KATNAL2: variants seen among roughly 807,000 people sequenced by gnomAD.
KATNAL2 encodes katanin catalytic subunit A1 like 2, also known as katanin p60 ATPase-containing subunit A-like 2.
KATNAL2 carries 52 observed loss-of-function variants against 76.3 expected under a neutral mutation model. The observed-to-expected ratio is 0.68, with a 90% CI of 0.55 to 0.86. KATNAL2 has a LOEUF of 0.86. KATNAL2 is among the 40% of genes least tolerant of loss of function. The pLI is 0.00. For synonymous variants in KATNAL2, 243 were observed against 244.2 expected, an observed-to-expected ratio of 1.00 and a Z score of 0.05; for missense variants, 660 against 668.9, an observed-to-expected ratio of 0.99 and a Z score of 0.15.
At chr18:47,035,570 C>G (rs1478807572) in intron 3 of KATNAL2, 1 of 580,880 alleles carries the variant, frequency 1.7e-6, no homozygotes, top group East Asian at 3.2e-5. Context: ...AGAGCTGGGC[C>G]TTATGTAGCC....
chr18:47,043,654 G>A (rs1463916751), intron 3 of KATNAL2, among the ~76,000 whole-genome samples: 1 of 152,170 alleles, frequency 6.6e-6, no homozygotes, highest in Non-Finnish European at 1.5e-5. Flanking sequence ...AGTAGAACGG[G>A]AGGATAGAGG....
chr18:46,961,974 G>C (rs1227286347), intron 3 of KATNAL2, among the ~76,000 whole-genome samples: 1 of 152,216 alleles, frequency 6.6e-6, no homozygotes, highest in Non-Finnish European at 1.5e-5. Context: ...TGCGGAAAGA[G>C]CTACAGTTAT....
chr18:46,960,927 C>A (rs540521265), intron 3 of KATNAL2, among the ~76,000 whole-genome samples: 2 of 152,154 alleles, frequency 1.3e-5, no homozygotes, highest in Non-Finnish European at 2.9e-5. Context: ...AGCAGACTTG[C>A]GTCTTAAGAA....
chr18:46,928,649 C>T (rs1268638799), intron 1 of KATNAL2, among the ~76,000 whole-genome samples: 3 of 152,198 alleles, frequency 2.0e-5, no homozygotes, highest in African/African-American at 7.2e-5. Flanking sequence ...TTCTGCATCA[C>T]TCACGCTGGG....
chr18:47,048,607 G>C (rs1407465465), intron 4 of KATNAL2, among the ~76,000 whole-genome samples: 2 of 152,136 alleles, frequency 1.3e-5, no homozygotes, highest in Non-Finnish European at 2.9e-5. Context: ...CTGTGCCTCT[G>C]TTTCTCCATC....
chr18:47,069,529 A>G lies in KATNAL2; in HGVS notation c.937A>G (p.Thr313Ala). The change falls in exon 13 of 18, where the codon ACA becomes GCA. Residue 313 changes from threonine (T) to alanine (A), a missense_variant. Transcript: ENST00000683218. ...CAAAGCTGTGGCCACTGAATGTAAA[A>G]CAACCTTCTTTAACATTTCTGCATC... Reference protein sequence around the residue: ...LAKAVATECKTTFFNISASTI... With the variant: ...LAKAVATECKATFFNISASTI... The G allele has an allele frequency of 6.2e-7, 1 of 1,614,092 alleles. No homozygotes were observed. Among genetic ancestry groups the G allele is most frequent in the South Asian group, 1.1e-5 (1 of 91,048 alleles).
In KATNAL2 at chr18:46,961,873, G is replaced by A. The variant is rs142832071; in HGVS notation, c.51+14950G>A. ...TCAGTGATTATTTTTAGGAGGGCCT[G>A]CAACCGTATGATATGATTGAGAATG... On this transcript the variant is annotated intron_variant, in intron 3 of 17. Transcript: ENST00000683218. Among the ~76,000 whole-genome samples the A allele has an allele frequency of 8.6e-3, 1,315 of 152,300 alleles. 10 individuals carry two copies. The highest frequency in any genetic ancestry group is 0.01 in the Non-Finnish European group (689 of 68,026).
At chr18:47,034,266 C>T (rs758409967) in intron 3 of KATNAL2, 70 of 1,613,876 alleles carry the variant, frequency 4.3e-5, no homozygotes, top group Non-Finnish European at 5.8e-5. Flanking sequence ...TCTCCTCGGG[C>T]GACAGGCCGT....
intron 3 of KATNAL2, among the ~76,000 whole-genome samples, chr18:47,040,353 G>A (rs2060921875): frequency 6.6e-6 from 1 of 152,200 alleles, no homozygotes; most frequent in Non-Finnish European, 1.5e-5. Flanking sequence ...GTTGTGCAGG[G>A]TATGGATTTT....
chr18:47,031,369 G>A (rs1331951487), intron 3 of KATNAL2, among the ~76,000 whole-genome samples: 2 of 151,576 alleles, frequency 1.3e-5, no homozygotes, highest in African/African-American at 2.4e-5. Flanking sequence ...GTCGTTGGCA[G>A]TTTCGCGTAA....
At chr18:47,084,970 T>C (rs2062709179) in intron 15 of KATNAL2, among the ~76,000 whole-genome samples, 1 of 150,464 alleles carries the variant, frequency 6.6e-6, no homozygotes, top group South Asian at 2.1e-4. Context: ...TTCAGATATC[T>C]GCAGGGCTCT....
At chr18:47,033,187 C>T in intron 3 of KATNAL2, 1 of 1,614,128 alleles carries the variant, frequency 6.2e-7, no homozygotes, top group Non-Finnish European at 8.5e-7. Flanking sequence ...GTCTCTGCCA[C>T]CGCCGCTGCT....
intron 15 of KATNAL2, among the ~76,000 whole-genome samples, chr18:47,090,221 C>T (rs2062941571): frequency 6.6e-6 from 1 of 152,274 alleles, no homozygotes; most frequent in Middle Eastern, 3.4e-3. Context: ...ATTCTCCTGC[C>T]TCAGCCTCCT....
intron 15 of KATNAL2, among the ~76,000 whole-genome samples, chr18:47,095,324 TATA>T (rs775705398): frequency 7.2e-5 from 11 of 152,214 alleles, no homozygotes; most frequent in Non-Finnish European, 1.2e-4. Context: ...CATCTTCAAT[TATA>T]ATCCTCATAA....
intron 8 of KATNAL2, among the ~76,000 whole-genome samples, chr18:47,059,931 A>G (rs2061582738): frequency 1.3e-5 from 2 of 152,016 alleles, no homozygotes; most frequent in South Asian, 4.1e-4. Flanking sequence ...TAGTGTTCCC[A>G]TCAGCTTAAA....
At chr18:46,942,475 G>A (rs1249432967) in intron 1 of KATNAL2, among the ~76,000 whole-genome samples, 4 of 152,104 alleles carry the variant, frequency 2.6e-5, no homozygotes, top group Admixed American at 2.0e-4. Flanking sequence ...TTAGCCGGGC[G>A]TGGTGGTGCG....
intron 1 of KATNAL2, among the ~76,000 whole-genome samples, chr18:46,926,381 G>T (rs995134833): frequency 2.0e-5 from 3 of 152,144 alleles, no homozygotes; most frequent in Admixed American, 6.5e-5. Context: ...CAGTTTCCTT[G>T]TAGTTGAGTG....
chr18:47,054,270 C>G (rs1446873931), intron 5 of KATNAL2, 126 bp from the exon 6 acceptor site: 5 of 801,050 alleles, frequency 6.2e-6, no homozygotes, highest in Non-Finnish European at 1.1e-5. Flanking sequence ...CTTAAAGTCT[C>G]TAGATTCCAA....
At chr18:47,035,888 A>C (rs2060753007) in intron 3 of KATNAL2, among the ~76,000 whole-genome samples, 1 of 152,238 alleles carries the variant, frequency 6.6e-6, no homozygotes, top group Admixed American at 6.5e-5. Flanking sequence ...GAACCAATAC[A>C]GGATAACAAC....
Sources: allele counts gnomAD v4.1 joint callset (sites outside exome capture counted in the v4.1 genomes callset), GRCh38; gene constraint gnomAD v4.1.1; transcripts MANE v1.5; gene names NCBI Gene and HGNC (gene_info 2026-07-23, HGNC 2026-07-21).